ATXN7L1: variants seen among roughly 807,000 people sequenced by gnomAD.
ATXN7L1 encodes ataxin-7-like protein 1.
Under a neutral mutation model 70.8 loss-of-function variants are expected in ATXN7L1, and 15 were observed. The observed-to-expected ratio is 0.21, with a 90% CI of 0.14 to 0.33. The LOEUF (loss-of-function observed/expected upper bound fraction) is 0.33. ATXN7L1 is among the 10% of genes least tolerant of loss of function. The pLI, the probability that ATXN7L1 is intolerant of heterozygous loss-of-function variation, is 1.00. For synonymous variants in ATXN7L1, 440 were observed against 445.1 expected (o/e 0.99, Z 0.14); for missense variants, 975 against 1,097.1 (o/e 0.89, Z 1.57).
chr7:105,815,287 G>C (rs1809027193), intron 2 of ATXN7L1, among the ~76,000 whole-genome samples: 1 of 152,152 alleles, frequency 6.6e-6, no homozygotes, highest in South Asian at 2.1e-4. Context: ...TTGGCTCTAG[G>C]AAAAGGTATG....
intron 3 of ATXN7L1, among the ~76,000 whole-genome samples, chr7:105,685,461 C>T (rs1043838327): frequency 2.0e-5 from 3 of 152,226 alleles, no homozygotes; most frequent in Non-Finnish European, 4.4e-5. Context: ...TCTTTCAGCA[C>T]ACAGCAGCTG....
At chr7:105,648,924 CCATGTG>C (rs765534338) in intron 4 of ATXN7L1, among the ~76,000 whole-genome samples, 4 of 138,762 alleles carry the variant, frequency 2.9e-5, no homozygotes, top group African/African-American at 1.4e-4. Flanking sequence ...GCAAACACCT[CCATGTG>C]CAGGTGGTGA....
chr7:105,637,846 T>C (rs1797613082), intron 7 of ATXN7L1, among the ~76,000 whole-genome samples: 1 of 152,166 alleles, frequency 6.6e-6, no homozygotes. Flanking sequence ...ATCCTGATGA[T>C]AGGAGAGCGT....
Position 105,614,729 on chromosome 7 carries a change from G to A in ATXN7L1, c.1605C>T (p.Phe535=). Residue 535 remains phenylalanine (F), a synonymous_variant, in exon 10 of 12, where the codon TTC becomes TTT. Coordinates refer to ENST00000419735, the MANE Select transcript of ATXN7L1 (RefSeq NM_020725.2). This position sits in a 1 kb window ranked among gnomAD's most constrained non-coding sequence, Gnocchi z 4.3. ...TPVPASVLQP[F]SNPSAVYLPS... ...GAAGATACACAGCACTGGGGTTGCT[G>A]AAAGGCTGCAAAACGGATGCTGGAA... 6.4e-7 allele frequency: 1 copy of A among 1,551,778 alleles called. No individual in the cohort carries two copies. Among genetic ancestry groups the A allele is most frequent in the Non-Finnish European group, 8.7e-7 (1 of 1,147,020 alleles).
intron 9 of ATXN7L1, chr7:105,618,062 G>T: frequency 2.2e-6 from 1 of 456,734 alleles, no homozygotes. Context: ...GAACAGGGGG[G>T]AGGGACCTGA....
chr7:105,814,548 T>C (rs924016036), intron 2 of ATXN7L1, among the ~76,000 whole-genome samples: 13 of 152,212 alleles, frequency 8.5e-5, no homozygotes, highest in Non-Finnish European at 1.3e-4. Context: ...ATAGGTACTT[T>C]ATGATTACTT....
chr7:105,847,143 A>G (rs966854261), intron 2 of ATXN7L1, among the ~76,000 whole-genome samples: 5 of 152,192 alleles, frequency 3.3e-5, no homozygotes, highest in Non-Finnish European at 5.9e-5. Flanking sequence ...AAACACATAC[A>G]TAAAGTGTGT....
intron 9 of ATXN7L1, among the ~76,000 whole-genome samples, chr7:105,619,522 ATATATATATTTTTTTTTTTTTTTTTTT>A (rs1794567838): frequency 5.0e-5 from 1 of 20,132 alleles, no homozygotes; most frequent in Non-Finnish European, 8.7e-5. Context: ...ATATATATAT[ATATATATATTTTTTTTTTTTTTTTTTT>A]TTTTTTTTTT....
chr7:105,874,123 CAAAAAAAAAAAAA>C (rs766696244), intron 2 of ATXN7L1, among the ~76,000 whole-genome samples: 2 of 71,972 alleles, frequency 2.8e-5, no homozygotes, highest in Non-Finnish European at 6.0e-5. Flanking sequence ...GAATCCGTAT[CAAAAAAAAAAAAA>C]AAAAAAAAAT....
At chr7:105,783,094 T>A (rs974700116) in intron 3 of ATXN7L1, among the ~76,000 whole-genome samples, 3 of 152,228 alleles carry the variant, frequency 2.0e-5, no homozygotes, top group Non-Finnish European at 4.4e-5. Context: ...ATCCTTATTT[T>A]ATAGACGAGG....
At chr7:105,778,776 G>C (rs1017969726) in intron 3 of ATXN7L1, among the ~76,000 whole-genome samples, 2 of 152,160 alleles carry the variant, frequency 1.3e-5, no homozygotes, top group South Asian at 2.1e-4. Context: ...AACATATGTG[G>C]TACCCACTCC....
intron 3 of ATXN7L1, among the ~76,000 whole-genome samples, chr7:105,778,527 A>AC (rs57207703): frequency 2.6e-3 from 356 of 135,354 alleles, no homozygotes; most frequent in Non-Finnish European, 4.5e-3. Flanking sequence ...AAAAAAAAAA[A>AC]AAAAAAAACA....
At chr7:105,836,693 T>A (rs990260842) in intron 2 of ATXN7L1, among the ~76,000 whole-genome samples, 1 of 152,126 alleles carries the variant, frequency 6.6e-6, no homozygotes, top group Non-Finnish European at 1.5e-5. Context: ...GGATTTGAAA[T>A]CATCTTGAAA....
At chr7:105,753,240 G>A (rs1799411787) in intron 3 of ATXN7L1, among the ~76,000 whole-genome samples, 1 of 152,202 alleles carries the variant, frequency 6.6e-6, no homozygotes, top group Admixed American at 6.5e-5. Context: ...GAGCTCTGGT[G>A]CAAGTTGCAG....
intron 2 of ATXN7L1, among the ~76,000 whole-genome samples, chr7:105,793,525 G>A (rs2116496650): frequency 6.6e-6 from 1 of 152,264 alleles, no homozygotes; most frequent in South Asian, 2.1e-4. Context: ...TGATCCCTCT[G>A]ACTGCAGAAC....
chr7:105,687,197 A>G (rs552975967), intron 3 of ATXN7L1, among the ~76,000 whole-genome samples: 63 of 152,326 alleles, frequency 4.1e-4, no homozygotes, highest in Non-Finnish European at 6.8e-4. Flanking sequence ...AAACTGATGC[A>G]TGAGGGGAAT....
At chr7:105,756,345 C>T (rs1799805454) in intron 3 of ATXN7L1, among the ~76,000 whole-genome samples, 1 of 152,070 alleles carries the variant, frequency 6.6e-6, no homozygotes, top group South Asian at 2.1e-4. Context: ...GGAGTGCTCA[C>T]AATAGAGGTA....
chr7:105,685,080 A>AATAATG (rs1233471870), intron 3 of ATXN7L1, among the ~76,000 whole-genome samples: 1 of 131,754 alleles, frequency 7.6e-6, no homozygotes, highest in Non-Finnish European at 1.7e-5. Flanking sequence ...TAATAATAAT[A>AATAATG]ATAATAAATG....
chr7:105,826,236 T>G (rs544812156), intron 2 of ATXN7L1, among the ~76,000 whole-genome samples: 1 of 152,138 alleles, frequency 6.6e-6, no homozygotes, highest in African/African-American at 2.4e-5. Flanking sequence ...AAAAAGCACA[T>G]AAAAAGTTTA....
Sources: allele counts gnomAD v4.1 joint callset (sites outside exome capture counted in the v4.1 genomes callset), GRCh38; gene constraint gnomAD v4.1.1; non-coding constraint Gnocchi (gnomAD v3.1); transcripts MANE v1.5; gene names NCBI Gene and HGNC (gene_info 2026-07-23, HGNC 2026-07-21).